SETBP1: variants seen among roughly 807,000 people sequenced by gnomAD.
SETBP1 encodes the protein SET binding protein 1.
SETBP1 carries 9 observed loss-of-function variants against 101.0 expected under a neutral mutation model. The observed-to-expected ratio is 0.09, with a 90% CI of 0.05 to 0.16. The LOEUF (loss-of-function observed/expected upper bound fraction) is 0.16, where lower values mean the gene tolerates loss of function less well. Among genes scored for constraint, SETBP1 ranks in the 10% least tolerant of loss-of-function variants. The pLI, the probability that SETBP1 is intolerant of heterozygous loss-of-function variation, is 1.00. For synonymous variants in SETBP1, 818 were observed against 788.5 expected, an observed-to-expected ratio of 1.04 and a Z score of -0.63; for missense variants, 1,858 against 2,033.8, an observed-to-expected ratio of 0.91 and a Z score of 1.66.
chr18:44,880,780 AC>A (rs1435558129), intron 3 of SETBP1, among the ~76,000 whole-genome samples: 1 of 152,172 alleles, frequency 6.6e-6, no homozygotes, highest in East Asian at 1.9e-4. Context: ...TACTCTTATC[AC>A]CAAGAGGACA....
intron 3 of SETBP1, among the ~76,000 whole-genome samples, chr18:44,912,917 G>A (rs1440712357): frequency 3.3e-5 from 5 of 152,030 alleles, no homozygotes; most frequent in East Asian, 3.9e-4. Context: ...GTGTCGTCCC[G>A]GTGCTCTTGA....
intron 5 of SETBP1, among the ~76,000 whole-genome samples, chr18:45,061,038 T>C (rs146047726): frequency 6.6e-6 from 1 of 152,346 alleles, no homozygotes; most frequent in African/African-American, 2.4e-5. Context: ...ATGACTGATA[T>C]AAACTAAAGA....
intron 3 of SETBP1, chr18:44,871,691 G>A (rs2069278743): frequency 6.6e-6 from 1 of 152,204 alleles, no homozygotes. Flanking sequence ...ATAGAGAAGA[G>A]GAAGGTAAGG....
At chr18:44,893,200 T>C (rs2069812664) in intron 3 of SETBP1, among the ~76,000 whole-genome samples, 1 of 152,176 alleles carries the variant, frequency 6.6e-6, no homozygotes, top group African/African-American at 2.4e-5. Flanking sequence ...ATGAAAAGTT[T>C]CAAGGGTTAG....
intron 2 of SETBP1, among the ~76,000 whole-genome samples, chr18:44,817,382 G>A (rs915246483): frequency 2.6e-5 from 4 of 151,988 alleles, no homozygotes; most frequent in African/African-American, 4.8e-5. Context: ...CAGAACACAG[G>A]CAAGAATCTA....
intron 2 of SETBP1, among the ~76,000 whole-genome samples, chr18:44,759,545 G>C (rs1403104021): frequency 1.3e-5 from 2 of 152,156 alleles, no homozygotes; most frequent in African/African-American, 2.4e-5. Flanking sequence ...TCACCTTTCA[G>C]TTCCCTCCTC....
intron 2 of SETBP1, among the ~76,000 whole-genome samples, chr18:44,722,118 A>G (rs943635586): frequency 2.0e-5 from 3 of 152,142 alleles, no homozygotes; most frequent in African/African-American, 7.2e-5. Context: ...GGACATGTGT[A>G]TGTGAGAGGG....
At chr18:44,949,676 A>G (rs1379201811) in intron 3 of SETBP1, among the ~76,000 whole-genome samples, 1 of 152,262 alleles carries the variant, frequency 6.6e-6, no homozygotes, top group Non-Finnish European at 1.5e-5. Context: ...ACTGATGTTC[A>G]AAACCAGTGC....
In SETBP1 at chr18:44,949,287, T is replaced by A. The variant is rs2071281315; in HGVS notation, c.541-594T>A. ...GGCTGTTTTTACTGGTTACAGTGGT[T>A]CCTGATGAGCTACTTGTACAGAGAT... On this transcript the variant is annotated intron_variant, in intron 3 of 5. Coordinates refer to ENST00000649279, the MANE Select transcript of SETBP1 (RefSeq NM_015559.3). 4.6e-5 allele frequency among the ~76,000 whole-genome samples: 7 copies of A among 152,344 alleles called. No individual in the cohort carries two copies. In the South Asian group the frequency reaches 1.4e-3, roughly 32 times the overall value.
chr18:44,710,553 G>A (rs1358463807), intron 2 of SETBP1, among the ~76,000 whole-genome samples: 3 of 145,354 alleles, frequency 2.1e-5, no homozygotes, highest in African/African-American at 7.7e-5. Context: ...CCAGGTTGAA[G>A]CAATTCTCCT....
chr18:44,735,210 A>C (rs147209453), intron 2 of SETBP1, among the ~76,000 whole-genome samples: 148 of 152,358 alleles, frequency 9.7e-4, no homozygotes, highest in African/African-American at 3.3e-3. Flanking sequence ...ATCTGTGGTC[A>C]TGTGTGCTGA....
At chr18:44,717,233 G>T (rs2069487292) in intron 2 of SETBP1, among the ~76,000 whole-genome samples, 1 of 152,206 alleles carries the variant, frequency 6.6e-6, no homozygotes, top group Non-Finnish European at 1.5e-5. Context: ...CTCTGACTCT[G>T]CCTTCTGGAA....
chr18:44,680,645 G>T (rs2068743882), upstream of SETBP1, among the ~76,000 whole-genome samples: 1 of 152,182 alleles, frequency 6.6e-6, no homozygotes, highest in Non-Finnish European at 1.5e-5. Flanking sequence ...GGGCGGCGAT[G>T]CTGGCTCAAT....
At chr18:45,023,386 A>G (rs2073106071) in intron 4 of SETBP1, among the ~76,000 whole-genome samples, 1 of 152,168 alleles carries the variant, frequency 6.6e-6, no homozygotes, top group Admixed American at 6.5e-5. Flanking sequence ...ATCTTGTTTC[A>G]TCAACTGGAT....
Position 44,951,068 on chromosome 18 carries a change from T to A in SETBP1, c.1728T>A (p.Ser576Arg). The A allele has an allele frequency of 6.2e-7, 1 of 1,613,960 alleles. No individual in the cohort carries two copies. The change falls in exon 4 of 6, where the codon AGT becomes AGA. Residue 576 changes from serine (S) to arginine (R), a missense_variant. This residue lies in a region of SETBP1 where 24 missense variants were observed against 68.4 expected (regional missense o/e 0.35). Coordinates refer to ENST00000649279, the MANE Select transcript of SETBP1 (RefSeq NM_015559.3). This position sits in a 1 kb window ranked among gnomAD's most constrained non-coding sequence, Gnocchi z 7.8. ...GCCCTCTCTACACCAACACAGACAG[T>A]CTTACTGTGATCACTCCAGTCAAAA... The part of the protein sequence containing the change: ...PSSPLYTNTD[S>R]LTVITPVKKK...
chr18:44,868,701 C>A (rs866856430), intron 2 of SETBP1, among the ~76,000 whole-genome samples: 22 of 112,308 alleles, frequency 2.0e-4, no homozygotes, highest in African/African-American at 6.7e-4. Context: ...AGAGAGAGGA[C>A]GGAAGGAAGG....
At chr18:44,793,983 T>C (rs922106758) in intron 2 of SETBP1, among the ~76,000 whole-genome samples, 2 of 152,234 alleles carry the variant, frequency 1.3e-5, no homozygotes, top group African/African-American at 4.8e-5. Context: ...TTCTTAGCCA[T>C]TAACAAGGGG....
At chr18:44,996,476 G>A (rs2145312424) in intron 4 of SETBP1, among the ~76,000 whole-genome samples, 1 of 152,318 alleles carries the variant, frequency 6.6e-6, no homozygotes, top group East Asian at 1.9e-4. Flanking sequence ...GTGTAGGCCT[G>A]ACAGTGAAAG....
At chr18:44,902,307 C>T (rs1270976883) in intron 3 of SETBP1, among the ~76,000 whole-genome samples, 2 of 152,112 alleles carry the variant, frequency 1.3e-5, no homozygotes, top group Non-Finnish European at 2.9e-5. Context: ...TCAAACCTAT[C>T]TTAACCAGCA....
Sources: allele counts gnomAD v4.1 joint callset (sites outside exome capture counted in the v4.1 genomes callset), GRCh38; gene constraint gnomAD v4.1.1; regional missense constraint gnomAD v4.1.1; non-coding constraint Gnocchi (gnomAD v3.1); transcripts MANE v1.5; gene names NCBI Gene and HGNC (gene_info 2026-07-23, HGNC 2026-07-21).